ZNF236: variants seen among roughly 807,000 people sequenced by gnomAD.
The protein encoded by ZNF236 is zinc finger protein 236, also known as regulated by glucose.
Under a neutral mutation model 191.2 loss-of-function variants are expected in ZNF236, and 50 were observed. That is an observed-to-expected ratio of 0.26 (90% CI 0.21 to 0.33). ZNF236 has a LOEUF of 0.33. ZNF236 is among the 10% of genes least tolerant of loss of function. ZNF236 has a pLI of 1.00. For missense variants in ZNF236, 1,754 were observed against 2,374.5 expected, an observed-to-expected ratio of 0.74 and a Z score of 5.43; for synonymous variants, 907 against 928.8, an observed-to-expected ratio of 0.98 and a Z score of 0.43.
intron 10 of ZNF236, 49 bp downstream of exon 10, chr18:76,895,334 A>T (rs1977371853): frequency 6.3e-7 from 1 of 1,589,824 alleles, no homozygotes; most frequent in South Asian, 1.1e-5. Flanking sequence ...CGGGGGCCAC[A>T]CACATTACTG....
chr18:76,926,729 ATGTGTGT>A (rs1568233838), intron 22 of ZNF236, among the ~76,000 whole-genome samples: 2 of 8,156 alleles, frequency 2.5e-4, no homozygotes, highest in African/African-American at 4.4e-4. Context: ...TGATTAGACC[ATGTGTGT>A]GTATGGTATA....
intron 1 of ZNF236, among the ~76,000 whole-genome samples, chr18:76,827,462 G>A (rs186564593): frequency 1.0e-3 from 158 of 152,368 alleles, no homozygotes; most frequent in African/African-American, 3.1e-3. Context: ...TGAGATTACA[G>A]GTATGAGCCA....
rs143860689 is a variant in ZNF236, at chr18:76,969,204, C to G, written c.*865C>G. The G allele has an allele frequency of 6.5e-6, 1 of 154,186 alleles. No homozygotes were observed. Among genetic ancestry groups the G allele is most frequent in the African/African-American group, 2.4e-5 (1 of 41,454 alleles). The allele number at this position is 154,186 out of a possible 1,614,324, so 9.6% of individuals were successfully genotyped here. On this transcript the variant is annotated 3_prime_UTR_variant, in exon 31 of 31. Coordinates refer to ENST00000320610, the MANE Select transcript of ZNF236 (RefSeq NM_001306089.2). ...GAAGCATATCTGTAGCTTAAGGCCA[C>G]GAATCCGTAAAAACCCCATGACTTT...
rs138426922 is a variant in ZNF236, at chr18:76,953,563, C to G, written c.4915-2422C>G. On this transcript the variant is annotated intron_variant, in intron 27 of 30. Coordinates refer to ENST00000320610, the MANE Select transcript of ZNF236 (RefSeq NM_001306089.2). ...AGCTGGCATTTGAATCCAGATCTGT[C>G]TTATCTCACTCTTCATGTCTGAATA... is the stretch of plus-strand genomic sequence containing the variant. Among the ~76,000 whole-genome samples the G allele has an allele frequency of 2.8e-3, 425 of 152,296 alleles. 6 individuals are homozygous for G. Among genetic ancestry groups the G allele is most frequent in the African/African-American group, 9.9e-3 (410 of 41,550 alleles).
chr18:76,947,569 G>A lies in ZNF236; in HGVS notation c.4831G>A (p.Gly1611Ser). Reference protein sequence around the residue: ...LLTDPSLSGQGGAGSPQVILV... With the variant: ...LLTDPSLSGQSGAGSPQVILV... ...CACGGATCCCTCTCTCTCGGGCCAG[G>A]GTGGAGCAGGCTCGCCGCAAGTCAT... The change falls in exon 27 of 31, where the codon GGT becomes AGT. Residue 1611 changes from glycine (G) to serine (S), a missense_variant. Gly to Ser is a moderately conservative substitution (Grantham distance 56). Around this residue, in one of 5 missense-constraint regions of ZNF236, gnomAD observed 606 missense variants for 761.5 expected, o/e 0.80. Transcript: ENST00000320610. 1 of 1,614,076 alleles carries A rather than the reference G, an allele frequency of 6.2e-7. No individual in the cohort carries two copies. The highest frequency in any genetic ancestry group is 1.1e-5 in the South Asian group (1 of 91,076).
intron 26 of ZNF236, among the ~76,000 whole-genome samples, chr18:76,942,520 TA>T (rs1230007050): frequency 1.3e-5 from 2 of 151,738 alleles, no homozygotes; most frequent in African/African-American, 2.4e-5. Context: ...ATTTTTTTAT[TA>T]TTTTTTTTGA....
chr18:76,939,268 G>A (rs947661538), intron 26 of ZNF236, among the ~76,000 whole-genome samples: 7 of 152,190 alleles, frequency 4.6e-5, no homozygotes, highest in Non-Finnish European at 1.0e-4. Flanking sequence ...GGGAGGCAGA[G>A]ATTGCTGTGA....
intron 25 of ZNF236, among the ~76,000 whole-genome samples, chr18:76,933,843 A>T (rs1403833100): frequency 6.6e-6 from 1 of 152,184 alleles, no homozygotes; most frequent in Non-Finnish European, 1.5e-5. Flanking sequence ...CCTAGTTATA[A>T]TTATGTAGTG....
At chr18:76,955,215 C>T (rs1432127067) in intron 27 of ZNF236, among the ~76,000 whole-genome samples, 1 of 152,028 alleles carries the variant, frequency 6.6e-6, no homozygotes, top group Non-Finnish European at 1.5e-5. Context: ...TAAGACCAAC[C>T]TAGGCAACAT....
At chr18:76,861,376 T>C (rs1976217483) in intron 3 of ZNF236, among the ~76,000 whole-genome samples, 1 of 152,172 alleles carries the variant, frequency 6.6e-6, no homozygotes. Flanking sequence ...AAAGGCGTTA[T>C]CTGGAAGATG....
intron 28 of ZNF236, among the ~76,000 whole-genome samples, chr18:76,957,188 G>A (rs1207255513): frequency 6.6e-6 from 1 of 152,176 alleles, no homozygotes; most frequent in Non-Finnish European, 1.5e-5. Context: ...TGTGTCTGTT[G>A]TCTTTTAATG....
Position 76,937,205 on chromosome 18 carries a change from A to G in ZNF236, c.4644A>G (p.Pro1548=), listed in dbSNP as rs374106321. ...TTCCTTCAACAACACCGATGTCTCC[A>G]TCGGCCATCTCGACTCAGAACCTGG... ...GSLPSTTPMS[P]SAISTQNLVM... Residue 1548 remains proline, a synonymous_variant, in exon 26 of 31, where the codon CCA becomes CCG. Coordinates refer to ENST00000320610, the MANE Select transcript of ZNF236 (RefSeq NM_001306089.2). 3.5e-5 allele frequency: 56 copies of G among 1,614,138 alleles called. No homozygotes were observed. In the African/African-American group the frequency reaches 6.5e-4, roughly 19 times the overall value.
intron 26 of ZNF236, 48 bp downstream of exon 26, chr18:76,937,391 C>T: frequency 2.7e-6 from 4 of 1,456,064 alleles, no homozygotes; most frequent in Non-Finnish European, 3.7e-6. Context: ...AAAAAGTGAT[C>T]TTTGAAAACA....
At chr18:76,844,292 C>T (rs1975612786) in intron 1 of ZNF236, among the ~76,000 whole-genome samples, 3 of 150,672 alleles carry the variant, frequency 2.0e-5, no homozygotes, top group Admixed American at 1.3e-4. Flanking sequence ...TGACCTAAAG[C>T]GGTAGCAATT....
intron 3 of ZNF236, among the ~76,000 whole-genome samples, chr18:76,857,151 C>A (rs969074959): frequency 3.9e-5 from 6 of 152,042 alleles, no homozygotes; most frequent in African/African-American, 1.2e-4. Context: ...CCCCATAATT[C>A]CTATGTGGGG....
At chr18:76,823,842 C>T (rs1022108954) in intron 1 of ZNF236, among the ~76,000 whole-genome samples, 1 of 152,164 alleles carries the variant, frequency 6.6e-6, no homozygotes, top group African/African-American at 2.4e-5. Flanking sequence ...GGGCGCCGCG[C>T]TTTTTCTCGC....
intron 7 of ZNF236, among the ~76,000 whole-genome samples, chr18:76,878,801 A>G (rs1181928668): frequency 1.3e-5 from 2 of 152,242 alleles, no homozygotes; most frequent in African/African-American, 4.8e-5. Context: ...AAAGTGTCGG[A>G]AGTTTTAATG....
At chr18:76,957,140 G>A (rs958633326) in intron 28 of ZNF236, among the ~76,000 whole-genome samples, 3 of 150,700 alleles carry the variant, frequency 2.0e-5, no homozygotes, top group Non-Finnish European at 4.4e-5. Context: ...TGGGGTTCCT[G>A]TGTATGTTGG....
Position 76,925,552 on chromosome 18 carries a change from C to T in ZNF236, c.4025C>T (p.Ser1342Leu). ...CAAGCTATTCTCCCTGCCTCTGTGT[C>T]AGGTAAACGCTGAGCCGAGGGAATG... The part of the protein sequence containing the change: ...VGQAILPASV[S>L]AGGDLTVSLT... The change falls in exon 22 of 31, where the codon TCA becomes TTA. Residue 1342 changes from serine (S) to leucine (L), a missense_variant and splice_region_variant. Ser to Leu is a moderately radical substitution (Grantham distance 145, BLOSUM62 -2). This residue lies in a region of ZNF236 where 606 missense variants were observed against 761.5 expected (regional missense o/e 0.80). Transcript: ENST00000320610. The surrounding 1 kb of genome is among the most constrained non-coding windows in gnomAD (Gnocchi z 5.7). The T allele has an allele frequency of 6.2e-7, 1 of 1,611,384 alleles. No homozygotes were observed. Among genetic ancestry groups the T allele is most frequent in the South Asian group, 1.1e-5 (1 of 91,050 alleles).
Sources: allele counts gnomAD v4.1 joint callset (sites outside exome capture counted in the v4.1 genomes callset), GRCh38; gene constraint gnomAD v4.1.1; regional missense constraint gnomAD v4.1.1; non-coding constraint Gnocchi (gnomAD v3.1); transcripts MANE v1.5; gene names NCBI Gene and HGNC (gene_info 2026-07-23, HGNC 2026-07-21).